The following FHIT variants were observed in gnomAD, a reference collection of about 807,000 sequenced individuals.
The protein encoded by FHIT is bis(5'-adenosyl)-triphosphatase.
A neutral mutation model predicts 17.9 loss-of-function variants in FHIT; 19 were observed. That is an observed-to-expected ratio of 1.06 (90% CI 0.74 to 1.56). FHIT has a LOEUF of 1.56. FHIT is among the 40% of genes most tolerant of loss of function. FHIT has a pLI of 0.00. For missense variants in FHIT, 248 were observed against 189.2 expected, an observed-to-expected ratio of 1.31 and a Z score of -1.82; for synonymous variants, 81 against 69.7, an observed-to-expected ratio of 1.16 and a Z score of -0.81.
At chr3:60,045,009 T>G (rs890566880) in intron 5 of FHIT, among the ~76,000 whole-genome samples, 2 of 152,062 alleles carry the variant, frequency 1.3e-5, no homozygotes, top group Admixed American at 1.3e-4. Context: ...CGTACCTTCT[T>G]TTGCTTGTCC....
intron 5 of FHIT, among the ~76,000 whole-genome samples, chr3:60,237,640 G>C (rs150644945): frequency 6.6e-6 from 1 of 152,124 alleles, no homozygotes; most frequent in Non-Finnish European, 1.5e-5. Context: ...ATTCCACAAA[G>C]CGCTCCACTG....
At chr3:59,886,345 T>C (rs594063) in intron 8 of FHIT, 150,499 of 152,338 alleles carry the variant, frequency 0.99, 74,367 homozygotes, top group East Asian at 1. Context: ...AACTATTTAC[T>C]AGACACTGTG....
chr3:60,487,543 T>A (rs1349900723), intron 5 of FHIT, among the ~76,000 whole-genome samples: 1 of 152,154 alleles, frequency 6.6e-6, no homozygotes, highest in Non-Finnish European at 1.5e-5. Context: ...AAAATGCAGA[T>A]CTTTGGTGCA....
intron 5 of FHIT, among the ~76,000 whole-genome samples, chr3:60,359,196 T>C (rs1439891204): frequency 1.3e-5 from 2 of 151,950 alleles, no homozygotes; most frequent in East Asian, 1.9e-4. Context: ...CAGAGTAGAC[T>C]GGCTTGACTT....
intron 5 of FHIT, among the ~76,000 whole-genome samples, chr3:60,451,286 G>A (rs558473403): frequency 1.2e-3 from 175 of 152,102 alleles, no homozygotes; most frequent in African/African-American, 4.0e-3. Context: ...AAACCAACTT[G>A]CCGTTGCATA....
chr3:60,452,050 A>G (rs2031782080), intron 5 of FHIT, among the ~76,000 whole-genome samples: 1 of 152,138 alleles, frequency 6.6e-6, no homozygotes, highest in Non-Finnish European at 1.5e-5. Flanking sequence ...CTCTGAGCAA[A>G]TAAACATACC....
intron 5 of FHIT, among the ~76,000 whole-genome samples, chr3:60,349,320 A>G (rs1473570452): frequency 6.6e-6 from 1 of 152,156 alleles, no homozygotes; most frequent in Admixed American, 6.6e-5. Flanking sequence ...AGAAGATTCC[A>G]TGATTTCAAG....
At chr3:60,316,038 A>T (rs1486506126) in intron 5 of FHIT, among the ~76,000 whole-genome samples, 3 of 152,180 alleles carry the variant, frequency 2.0e-5, no homozygotes, top group East Asian at 1.9e-4. Context: ...GTTCTCAATG[A>T]TGTCTACTGT....
intron 5 of FHIT, among the ~76,000 whole-genome samples, chr3:60,476,792 T>C (rs2033367130): frequency 6.6e-6 from 1 of 151,934 alleles, no homozygotes; most frequent in Non-Finnish European, 1.5e-5. Context: ...CTTCTGGCCT[T>C]GTCGGAGGTA....
At chr3:59,984,037 CT>C (rs1408618332) in intron 7 of FHIT, among the ~76,000 whole-genome samples, 5 of 152,102 alleles carry the variant, frequency 3.3e-5, no homozygotes, top group Non-Finnish European at 5.9e-5. Context: ...CTTAACTTTC[CT>C]GTGAATAATA....
At chr3:60,820,181 G>A (rs1447920) in intron 4 of FHIT, among the ~76,000 whole-genome samples, 79,442 of 151,558 alleles carry the variant, frequency 0.52, 21,698 homozygotes, top group East Asian at 0.84. Flanking sequence ...GGTGGCGGGC[G>A]CTTGTAATCC....
chr3:60,418,711 T>C (rs1277767294), intron 5 of FHIT, among the ~76,000 whole-genome samples: 2 of 151,440 alleles, frequency 1.3e-5, no homozygotes, highest in African/African-American at 4.9e-5. Flanking sequence ...ACATCTAGTA[T>C]TCATGCTACT....
chr3:59,987,366 T>C (rs1709032616), intron 7 of FHIT, among the ~76,000 whole-genome samples: 1 of 151,822 alleles, frequency 6.6e-6, no homozygotes, highest in Non-Finnish European at 1.5e-5. Flanking sequence ...TATTAGTTCA[T>C]CGTGTGTGTC....
At position 60,017,858 on chromosome 3, in the gene FHIT, T is replaced by C. The variant is rs562037809; in HGVS notation, c.104-3706A>G. Among the ~76,000 whole-genome samples, 4 of 152,318 alleles carry C rather than the reference T, an allele frequency of 2.6e-5. No individual in the cohort carries two copies. The South Asian group carries it at 8.3e-4, about 32-fold the overall frequency. On this transcript the variant is annotated intron_variant, in intron 5 of 9. Transcript: ENST00000492590. ...GCATTAGTCAGGTGCCTAGAGCTGG[T>C]GTGGTTTGCTATTTGCAAATGTGAC...
At chr3:60,012,273 T>G (rs1397859807) in intron 6 of FHIT, among the ~76,000 whole-genome samples, 7 of 148,518 alleles carry the variant, frequency 4.7e-5, no homozygotes, top group South Asian at 2.1e-4. Context: ...GTTGTTTTTT[T>G]TTTTTTTTTT....
intron 3 of FHIT, among the ~76,000 whole-genome samples, chr3:60,852,120 C>T (rs1197675811): frequency 6.6e-6 from 1 of 152,034 alleles, no homozygotes; most frequent in Non-Finnish European, 1.5e-5. Flanking sequence ...CAGCTGAAGG[C>T]TTGATTAGGA....
intron 5 of FHIT, among the ~76,000 whole-genome samples, chr3:60,038,549 A>G (rs1701314497): frequency 6.6e-6 from 1 of 152,186 alleles, no homozygotes; most frequent in Admixed American, 6.5e-5. Flanking sequence ...GAAACGCTTG[A>G]TAGTTCAATA....
intron 4 of FHIT, among the ~76,000 whole-genome samples, chr3:60,587,462 T>C (rs554441472): frequency 1.3e-5 from 2 of 152,106 alleles, no homozygotes; most frequent in African/African-American, 4.8e-5. Flanking sequence ...GGCACACATA[T>C]GTAACATGTA....
At chr3:59,894,977 A>G (rs1223700213) in intron 8 of FHIT, among the ~76,000 whole-genome samples, 1 of 152,236 alleles carries the variant, frequency 6.6e-6, no homozygotes, top group African/African-American at 2.4e-5. Flanking sequence ...CACTGTCATC[A>G]GACATCAGGG....
Sources: gnomAD v4.1 joint callset for allele counts (sites outside exome capture counted in the v4.1 genomes callset) on GRCh38, gnomAD v4.1.1 for gene constraint, MANE v1.5 for transcripts, NCBI Gene and HGNC (gene_info 2026-07-23, HGNC 2026-07-21) for gene names.